The following AKAP13 variants were observed in gnomAD, a reference collection of about 807,000 sequenced individuals.
AKAP13 encodes the protein A-kinase anchoring protein 13, also known as A-kinase anchor protein 13.
AKAP13 carries 80 observed loss-of-function variants against 264.5 expected under a neutral mutation model. That is an observed-to-expected ratio of 0.30 (90% CI 0.25 to 0.36). AKAP13 has a LOEUF of 0.36. Ranked by LOEUF, AKAP13 falls within the 10% of genes least tolerant of loss-of-function variation. The probability of loss-of-function intolerance (pLI) is 1.00; values close to 1 mark genes in which losing one functional copy is unlikely to be tolerated. For missense variants in AKAP13, 3,712 were observed against 3,435.2 expected, an observed-to-expected ratio of 1.08 and a Z score of -2.01; for synonymous variants, 1,380 against 1,250.2, an observed-to-expected ratio of 1.10 and a Z score of -2.19.
At chr15:85,572,977 T>G (rs903893599) in intron 5 of AKAP13, among the ~76,000 whole-genome samples, 1 of 152,244 alleles carries the variant, frequency 6.6e-6, no homozygotes, top group Non-Finnish European at 1.5e-5. Context: ...GCTTCATCCA[T>G]TTCTCTACAA....
intron 8 of AKAP13, chr15:85,619,264 C>A: frequency 1.5e-6 from 1 of 661,202 alleles, no homozygotes; most frequent in Non-Finnish European, 1.9e-6. Flanking sequence ...TTCAAACCTC[C>A]AAGGCTGCGG....
At chr15:85,485,813 A>G (rs1596314965) in intron 2 of AKAP13, 60 bp downstream of exon 2, 3 of 1,517,422 alleles carry the variant, frequency 2.0e-6, no homozygotes, top group South Asian at 2.3e-5. Flanking sequence ...TACTTGTTAT[A>G]ATAAGCCACA....
chr15:85,707,720 T>C (rs2086380728), intron 17 of AKAP13, among the ~76,000 whole-genome samples: 1 of 152,052 alleles, frequency 6.6e-6, no homozygotes, highest in Non-Finnish European at 1.5e-5. Context: ...AACTCACCCT[T>C]CCCATCAGAT....
intron 1 of AKAP13, among the ~76,000 whole-genome samples, chr15:85,387,266 A>G (rs1013148283): frequency 3.3e-5 from 5 of 151,976 alleles, no homozygotes; most frequent in African/African-American, 1.2e-4. Flanking sequence ...AGCCCGGGAG[A>G]TGGAGGTTAC....
At position 85,397,596 on chromosome 15, in the gene AKAP13, T is replaced by C. The variant is rs141796182; in HGVS notation, c.-12+16798T>C. On this transcript the variant is annotated intron_variant, in intron 1 of 36. Coordinates refer to ENST00000394518, the MANE Select transcript of AKAP13 (RefSeq NM_007200.5). ...CTTATTGGGAACCATTATTGATCTA[T>C]TGGTAGCTATTCATCTAAGTGTCTT... is the stretch of plus-strand genomic sequence containing the variant. Among the ~76,000 whole-genome samples the C allele has an allele frequency of 2.0e-3, 301 of 152,376 alleles. 1 individual carries two copies. The highest frequency in any genetic ancestry group is 6.4e-3 in the African/African-American group (268 of 41,590).
At chr15:85,528,898 A>G (rs1220825430) in intron 3 of AKAP13, among the ~76,000 whole-genome samples, 3 of 152,218 alleles carry the variant, frequency 2.0e-5, no homozygotes, top group Non-Finnish European at 2.9e-5. Flanking sequence ...TAAGTTCAGT[A>G]AAATTTTCAG....
intron 23 of AKAP13, among the ~76,000 whole-genome samples, chr15:85,721,555 A>G (rs1027552158): frequency 6.6e-6 from 1 of 152,222 alleles, no homozygotes; most frequent in Admixed American, 6.5e-5. Context: ...AGTAGTACAA[A>G]CAGATACCTA....
intron 10 of AKAP13, among the ~76,000 whole-genome samples, chr15:85,647,333 G>A (rs1287842914): frequency 6.6e-6 from 1 of 152,164 alleles, no homozygotes; most frequent in Non-Finnish European, 1.5e-5. Flanking sequence ...AGGAGGTGAA[G>A]GCTGAAGTGA....
intron 5 of AKAP13, among the ~76,000 whole-genome samples, chr15:85,561,545 T>G (rs1307238982): frequency 2.6e-5 from 4 of 152,212 alleles, no homozygotes; most frequent in African/African-American, 9.6e-5. Flanking sequence ...ATCAATAAAT[T>G]TATACGTCTG....
At chr15:85,526,449 G>A (rs902109098) in intron 3 of AKAP13, among the ~76,000 whole-genome samples, 10 of 151,934 alleles carry the variant, frequency 6.6e-5, no homozygotes, top group Non-Finnish European at 1.5e-4. Context: ...GCACGTGTGT[G>A]TGTGTGTAGA....
At chr15:85,557,496 T>TAA in intron 5 of AKAP13, among the ~76,000 whole-genome samples, 1 of 152,210 alleles carries the variant, frequency 6.6e-6, no homozygotes, top group Non-Finnish European at 1.5e-5. Context: ...TTTTGTTGTT[T>TAA]GTTTTGAGAT....
At position 85,442,475 on chromosome 15, in the gene AKAP13, T is replaced by TAA. The variant is rs1555429969; in HGVS notation, c.-11-43235_-11-43234insAA. On this transcript the variant is annotated intron_variant, in intron 1 of 36. Coordinates refer to ENST00000394518, the MANE Select transcript of AKAP13 (RefSeq NM_007200.5). ...ACATATATAATATACATAATATATA[T>TAA]TATATAATATATATAATATATATTA... 7.5e-5 allele frequency among the ~76,000 whole-genome samples: 9 copies of TAA among 120,650 alleles called. No individual in the cohort carries two copies. In the South Asian group the frequency reaches 9.5e-4, roughly 13 times the overall value. The allele number at this position is 120,650 out of a possible 152,430, so 79.2% of individuals were successfully genotyped here.
At chr15:85,735,944 A>G in intron 32 of AKAP13, 146 bp from the exon 33 acceptor site, 1 of 749,838 alleles carries the variant, frequency 1.3e-6, no homozygotes, top group Non-Finnish European at 2.3e-6. Context: ...TATCAGTGAT[A>G]AATAGTTCAA....
intron 12 of AKAP13, among the ~76,000 whole-genome samples, chr15:85,661,760 A>G (rs1354190542): frequency 6.6e-6 from 1 of 152,154 alleles, no homozygotes; most frequent in East Asian, 1.9e-4. Context: ...ATAAGCAAAT[A>G]TATAATCAGT....
chr15:85,457,156 A>G (rs562138393), intron 1 of AKAP13, among the ~76,000 whole-genome samples: 2 of 152,306 alleles, frequency 1.3e-5, no homozygotes, highest in Admixed American at 1.3e-4. Flanking sequence ...TGTATTTTTA[A>G]ATCAGTTTTT....
intron 33 of AKAP13, among the ~76,000 whole-genome samples, chr15:85,738,652 C>T (rs1377833376): frequency 6.6e-6 from 1 of 151,538 alleles, no homozygotes; most frequent in Non-Finnish European, 1.5e-5. Context: ...TCCTGGCTAA[C>T]AAGGTGAAAC....
At chr15:85,549,165 G>A (rs1004495258) in intron 5 of AKAP13, among the ~76,000 whole-genome samples, 2 of 152,110 alleles carry the variant, frequency 1.3e-5, no homozygotes, top group South Asian at 4.1e-4. Flanking sequence ...GTAGGGACTT[G>A]ATGTAGGTTG....
At chr15:85,415,439 G>C (rs2072195750) in intron 1 of AKAP13, 2 of 1,605,858 alleles carry the variant, frequency 1.2e-6, no homozygotes, top group South Asian at 2.2e-5. Context: ...CCCTGGGAGA[G>C]AAGTTTGAAG....
At chr15:85,402,953 C>T (rs879685010) in intron 1 of AKAP13, among the ~76,000 whole-genome samples, 1 of 152,164 alleles carries the variant, frequency 6.6e-6, no homozygotes, top group Non-Finnish European at 1.5e-5. Context: ...CGCTGTTACT[C>T]ATGTTTTTCA....
Sources: gnomAD v4.1 joint callset for allele counts (sites outside exome capture counted in the v4.1 genomes callset) on GRCh38, gnomAD v4.1.1 for gene constraint, MANE v1.5 for transcripts, NCBI Gene and HGNC (gene_info 2026-07-23, HGNC 2026-07-21) for gene names.